Variants in PPP3CA observed in about 807,000 individuals in gnomAD.
PPP3CA encodes the protein protein phosphatase 3 catalytic subunit alpha, also known as CAM-PRP catalytic subunit.
A neutral mutation model predicts 66.5 loss-of-function variants in PPP3CA; 14 were observed. The observed-to-expected ratio is 0.21, with a 90% confidence interval of 0.14 to 0.33. The LOEUF is 0.33. Among genes scored for constraint, PPP3CA ranks in the 10% least tolerant of loss-of-function variants. The pLI, the probability that PPP3CA is intolerant of heterozygous loss-of-function variation, is 1.00. For missense variants in PPP3CA, 317 were observed against 639.5 expected, an observed-to-expected ratio of 0.50 and a Z score of 5.44; for synonymous variants, 232 against 226.2, an observed-to-expected ratio of 1.03 and a Z score of -0.23.
intron 2 of PPP3CA, among the ~76,000 whole-genome samples, chr4:101,182,716 G>C (rs1578528842): frequency 6.6e-6 from 1 of 152,150 alleles, no homozygotes; most frequent in Non-Finnish European, 1.5e-5. Context: ...TGGTTTAGCT[G>C]TATGCCCATC....
chr4:101,211,894 T>C (rs1348970355), intron 1 of PPP3CA, among the ~76,000 whole-genome samples: 1 of 152,160 alleles, frequency 6.6e-6, no homozygotes, highest in African/African-American at 2.4e-5. Flanking sequence ...TTGCCTATCT[T>C]CACATAATAG....
intron 1 of PPP3CA, among the ~76,000 whole-genome samples, chr4:101,307,168 C>CAA (rs1331785893): frequency 0.016 from 1,213 of 77,310 alleles, 15 homozygotes; most frequent in Middle Eastern, 0.056. Flanking sequence ...CACTTTGAAC[C>CAA]AAAAAAAAAA....
intron 5 of PPP3CA, 68 bp downstream of exon 5, chr4:101,098,299 T>C: frequency 2.8e-6 from 4 of 1,434,462 alleles, no homozygotes; most frequent in Admixed American, 5.1e-5. Flanking sequence ...AAAGGCAGGG[T>C]AATTAATGTC....
intron 2 of PPP3CA, among the ~76,000 whole-genome samples, chr4:101,186,281 G>GA (rs1386413045): frequency 6.6e-6 from 1 of 152,126 alleles, no homozygotes; most frequent in Non-Finnish European, 1.5e-5. Context: ...AAAACTCACT[G>GA]AAAATCCCTG....
intron 2 of PPP3CA, among the ~76,000 whole-genome samples, chr4:101,148,640 C>T (rs1436752916): frequency 2.0e-5 from 3 of 152,116 alleles, no homozygotes; most frequent in African/African-American, 7.2e-5. Context: ...AAGAAAGAAG[C>T]TGGATTGCCA....
intron 11 of PPP3CA, among the ~76,000 whole-genome samples, chr4:101,035,356 C>T (rs1452963342): frequency 6.6e-6 from 1 of 152,116 alleles, no homozygotes; most frequent in Non-Finnish European, 1.5e-5. Context: ...TCTGAGAAAG[C>T]CAAGTAAATT....
At position 101,252,524 on chromosome 4, in the gene PPP3CA, T is replaced by C. The variant is rs181726881; in HGVS notation, c.59-56408A>G. The stretch of plus-strand genomic sequence containing the variant: ...ACCACTGTGAAACAGGTGAAAGGAG[T>C]CTAGGAGAAAGCCCTTCTGCACACA... On this transcript the variant is annotated intron_variant, in intron 1 of 13. Coordinates refer to ENST00000394854, the MANE Select transcript of PPP3CA (RefSeq NM_000944.5). Among the ~76,000 whole-genome samples the C allele has an allele frequency of 3.0e-4, 46 of 151,720 alleles. No individual in the cohort carries two copies. In the East Asian group the frequency reaches 8.3e-3, roughly 27 times the overall value.
intron 13 of PPP3CA, 48 bp downstream of exon 13, chr4:101,029,118 A>T (rs1248297259): frequency 6.6e-7 from 1 of 1,526,088 alleles, no homozygotes; most frequent in Non-Finnish European, 9.1e-7. Context: ...CACCCAGCAG[A>T]GCCCTTATCT....
chr4:101,106,450 A>AAAGAAAGAAAGAAAGAAAGAAAGAAGAG (rs751759518), intron 3 of PPP3CA, among the ~76,000 whole-genome samples: 5 of 11,122 alleles, frequency 4.5e-4, no homozygotes, highest in Non-Finnish European at 5.2e-4. Context: ...AGAAAGAAAG[A>AAAGAAAGAAAGAAAGAAAGAAAGAAGAG]AAGAGAAAAG....
chr4:101,108,941 G>A lies in PPP3CA; in HGVS notation c.384+13C>T. ...CATAACTGAACAGCAAAGAAGACAT[G>A]ATGTAGACTTACTTCAATACTGAAG... is the stretch of plus-strand genomic sequence containing the variant. On this transcript the variant is annotated intron_variant, in intron 3 of 13. Transcript: ENST00000394854. 6.2e-7 allele frequency: 1 copy of A among 1,612,284 alleles called. No individual in the cohort carries two copies. The highest frequency in any genetic ancestry group is 8.5e-7 in the Non-Finnish European group (1 of 1,178,844).
At chr4:101,176,623 C>T (rs184069952) in intron 2 of PPP3CA, among the ~76,000 whole-genome samples, 2 of 152,256 alleles carry the variant, frequency 1.3e-5, no homozygotes, top group Admixed American at 6.5e-5. Flanking sequence ...GAAAATCAAA[C>T]ATTCTTCAAA....
intron 1 of PPP3CA, among the ~76,000 whole-genome samples, chr4:101,343,392 A>G (rs1205622257): frequency 6.6e-6 from 1 of 152,172 alleles, no homozygotes; most frequent in Non-Finnish European, 1.5e-5. Context: ...AGAAAAGCCA[A>G]AGTTTGAGAC....
At position 101,155,303 on chromosome 4, in the gene PPP3CA, A is replaced by G. The variant is rs74698560; in HGVS notation, c.259+40613T>C. Among the ~76,000 whole-genome samples, 9 of 152,282 alleles carry G rather than the reference A, an allele frequency of 5.9e-5. No homozygotes were observed. In the East Asian group the frequency reaches 1.7e-3, roughly 29 times the overall value. The stretch of plus-strand genomic sequence containing the variant: ...TGGTTGAGGAATTGAATGCATAATA[A>G]AAGAGTAGATGAATGCATGAATTAA... On this transcript the variant is annotated intron_variant, in intron 2 of 13. Transcript: ENST00000394854.
chr4:101,139,327 G>A (rs1172141781), intron 2 of PPP3CA, among the ~76,000 whole-genome samples: 2 of 140,018 alleles, frequency 1.4e-5, no homozygotes, highest in Non-Finnish European at 1.5e-5. Flanking sequence ...AAGCCTGGGT[G>A]ACAGAGTGAG....
intron 1 of PPP3CA, among the ~76,000 whole-genome samples, chr4:101,264,977 G>C (rs1046412798): frequency 1.1e-4 from 17 of 152,300 alleles, no homozygotes; most frequent in Admixed American, 2.0e-4. Flanking sequence ...CTCTGAGGGG[G>C]AAGTAGCCTT....
chr4:101,305,381 C>A (rs1728502770), intron 1 of PPP3CA, among the ~76,000 whole-genome samples: 1 of 152,144 alleles, frequency 6.6e-6, no homozygotes, highest in Admixed American at 6.6e-5. Flanking sequence ...TTGAAAGTAC[C>A]ACACAGTGTG....
intron 1 of PPP3CA, among the ~76,000 whole-genome samples, chr4:101,304,143 T>C (rs959635139): frequency 3.9e-5 from 6 of 152,216 alleles, no homozygotes; most frequent in African/African-American, 1.2e-4. Flanking sequence ...CAAAGTTTCT[T>C]AACATGTGTA....
At chr4:101,338,292 C>T (rs1168437722) in intron 1 of PPP3CA, among the ~76,000 whole-genome samples, 1 of 152,206 alleles carries the variant, frequency 6.6e-6, no homozygotes, top group East Asian at 1.9e-4. Context: ...TAAAATACAG[C>T]ACTTCAAAAA....
chr4:101,107,616 T>C (rs1730810413), intron 3 of PPP3CA, among the ~76,000 whole-genome samples: 1 of 152,224 alleles, frequency 6.6e-6, no homozygotes, highest in African/African-American at 2.4e-5. Flanking sequence ...CGGAAATACA[T>C]ATATGTCTAC....
Sources: allele counts gnomAD v4.1 joint callset (sites outside exome capture counted in the v4.1 genomes callset), GRCh38; gene constraint gnomAD v4.1.1; transcripts MANE v1.5; gene names NCBI Gene and HGNC (gene_info 2026-07-23, HGNC 2026-07-21).